EXOC6B: variants seen among roughly 807,000 people sequenced by gnomAD.
EXOC6B encodes the protein exocyst complex component 6B.
In EXOC6B, 54 loss-of-function variants were observed where a neutral mutation model predicts 113.5. That is an observed-to-expected ratio of 0.48 (90% confidence interval 0.38 to 0.60). The LOEUF is 0.60. Among genes scored for constraint, EXOC6B ranks in the 20% least tolerant of loss-of-function variants. The pLI is 0.00. For missense variants in EXOC6B, 797 were observed against 977.5 expected, an observed-to-expected ratio of 0.82 and a Z score of 2.46; for synonymous variants, 357 against 339.0, an observed-to-expected ratio of 1.05 and a Z score of -0.58.
chr2:72,255,919 T>C (rs1387980835), intron 20 of EXOC6B, among the ~76,000 whole-genome samples: 5 of 152,188 alleles, frequency 3.3e-5, no homozygotes, highest in South Asian at 2.1e-4. Flanking sequence ...TGGATGGTGA[T>C]ACCAAAAAAG....
Position 72,594,222 on chromosome 2 carries a change from A to G in EXOC6B, c.670-18554T>C, listed in dbSNP as rs560366106. 3.3e-5 allele frequency among the ~76,000 whole-genome samples: 5 copies of G among 152,226 alleles called. No individual in the cohort carries two copies. In the East Asian group the frequency reaches 5.8e-4, roughly 18 times the overall value. ...GCTCTCAAACTCTTAGCCTCAAGCA[A>G]TCTTCCCACCCTGGCTTCCCAAAAT... On this transcript the variant is annotated intron_variant, in intron 6 of 21. Transcript: ENST00000272427.
chr2:72,437,220 A>G (rs1305215473), intron 18 of EXOC6B, among the ~76,000 whole-genome samples: 8 of 152,336 alleles, frequency 5.3e-5, no homozygotes, highest in African/African-American at 1.9e-4. Context: ...GGGTATCACC[A>G]GCAGAGGCTG....
At chr2:72,715,534 C>T (rs1167332755) in intron 6 of EXOC6B, among the ~76,000 whole-genome samples, 3 of 151,136 alleles carry the variant, frequency 2.0e-5, no homozygotes. Context: ...GCTAGGAGCT[C>T]AAGAGAACAA....
chr2:72,187,786 AG>A (rs1283544682), intron 20 of EXOC6B, among the ~76,000 whole-genome samples: 2 of 152,116 alleles, frequency 1.3e-5, no homozygotes, highest in Non-Finnish European at 2.9e-5. Context: ...ACAAGCCTTC[AG>A]GCCTTCTGTG....
chr2:72,635,446 A>G (rs1039466218), intron 6 of EXOC6B, among the ~76,000 whole-genome samples: 10 of 152,204 alleles, frequency 6.6e-5, no homozygotes, highest in Admixed American at 1.3e-4. Flanking sequence ...ACACATATAA[A>G]TTTGACAAAG....
chr2:72,532,854 A>T (rs967358348), intron 8 of EXOC6B, among the ~76,000 whole-genome samples: 2 of 151,980 alleles, frequency 1.3e-5, no homozygotes, highest in African/African-American at 2.4e-5. Flanking sequence ...AATGCTTTTG[A>T]CTCTGGCATC....
chr2:72,511,181 T>C (rs1178282974), intron 11 of EXOC6B, among the ~76,000 whole-genome samples: 1 of 152,102 alleles, frequency 6.6e-6, no homozygotes, highest in Admixed American at 6.5e-5. Flanking sequence ...TTGCAACATA[T>C]TCAATAATGA....
rs78478031 is a variant in EXOC6B at position 72,340,351 on chromosome 2, T to C, written c.2123-5331A>G. Among the ~76,000 whole-genome samples, 9 of 152,214 alleles carry C rather than the reference T, an allele frequency of 5.9e-5. No individual in the cohort carries two copies. In the East Asian group the frequency reaches 1.7e-3, roughly 29 times the overall value. Reference sequence around the variant, plus strand: ...TTTTCTAAATCTTTGCAAAATGCCATAGAACAGGAAGAGCTTTCAAAGGAA... The same window carrying C: ...TTTTCTAAATCTTTGCAAAATGCCACAGAACAGGAAGAGCTTTCAAAGGAA... On this transcript the variant is annotated intron_variant, in intron 19 of 21. Coordinates refer to ENST00000272427, the MANE Select transcript of EXOC6B (RefSeq NM_015189.3).
At chr2:72,508,163 C>CAAAAAAAAAAAAAAAAA (rs67586747) in intron 11 of EXOC6B, among the ~76,000 whole-genome samples, 1 of 57,550 alleles carries the variant, frequency 1.7e-5, no homozygotes, top group African/African-American at 1.3e-4. Flanking sequence ...ATATTACCCG[C>CAAAAAAAAAAAAAAAAA]AAAAAAAAAA....
chr2:72,254,844 C>G (rs538245038), intron 20 of EXOC6B, among the ~76,000 whole-genome samples: 23 of 152,232 alleles, frequency 1.5e-4, no homozygotes, highest in African/African-American at 5.1e-4. Flanking sequence ...GTATATCAAG[C>G]TGAGATTTCC....
intron 6 of EXOC6B, among the ~76,000 whole-genome samples, chr2:72,617,996 GT>G (rs1157851647): frequency 6.6e-6 from 1 of 152,122 alleles, no homozygotes; most frequent in Non-Finnish European, 1.5e-5. Context: ...TGTTCAGTAA[GT>G]TCATCTTGAC....
intron 6 of EXOC6B, among the ~76,000 whole-genome samples, chr2:72,594,743 A>T (rs887376095): frequency 6.6e-6 from 1 of 152,198 alleles, no homozygotes; most frequent in Admixed American, 6.5e-5. Flanking sequence ...AAATATTTGC[A>T]ACAAAACCTG....
At chr2:72,405,434 G>A (rs1693671461) in intron 18 of EXOC6B, among the ~76,000 whole-genome samples, 1 of 152,194 alleles carries the variant, frequency 6.6e-6, no homozygotes, top group South Asian at 2.1e-4. Flanking sequence ...AGGACAAAAT[G>A]TTAAGGGCAG....
chr2:72,545,614 A>G (rs1483758813), intron 8 of EXOC6B, among the ~76,000 whole-genome samples: 2 of 152,178 alleles, frequency 1.3e-5, no homozygotes, highest in Non-Finnish European at 2.9e-5. Context: ...TGTTTTCCCC[A>G]TATTTACCAC....
chr2:72,444,679 G>A (rs1192187725), intron 18 of EXOC6B, among the ~76,000 whole-genome samples: 1 of 152,188 alleles, frequency 6.6e-6, no homozygotes, highest in Admixed American at 6.5e-5. Context: ...CAAGACATGG[G>A]GCTTGCACCC....
At chr2:72,501,721 C>G (rs201029797) in intron 11 of EXOC6B, among the ~76,000 whole-genome samples, 21 of 146,930 alleles carry the variant, frequency 1.4e-4, no homozygotes, top group Admixed American at 2.0e-4. Flanking sequence ...AAAAAAACAA[C>G]AACAACCAAA....
chr2:72,574,599 C>CA (rs1315729030), intron 7 of EXOC6B, among the ~76,000 whole-genome samples: 9 of 151,470 alleles, frequency 5.9e-5, no homozygotes, highest in East Asian at 5.8e-4. Flanking sequence ...CAAGCACTTA[C>CA]AAAAAAAAGG....
At position 72,620,588 on chromosome 2, in the gene EXOC6B, C is replaced by T. The variant is rs1385293292; in HGVS notation, c.670-44920G>A. On this transcript the variant is annotated intron_variant, in intron 6 of 21. Coordinates refer to ENST00000272427, the MANE Select transcript of EXOC6B (RefSeq NM_015189.3). ...CCTAGTTAATACCTTGCTCAATATC[C>T]GCCTTGGCAAAGAATTTTTGGCAAA... Among the ~76,000 whole-genome samples the T allele has an allele frequency of 3.4e-5, 5 of 149,148 alleles. No homozygotes were observed. The East Asian group carries it at 9.8e-4, about 29-fold the overall frequency.
intron 1 of EXOC6B, among the ~76,000 whole-genome samples, chr2:72,774,274 T>A (rs1338047585): frequency 6.6e-6 from 1 of 152,212 alleles, no homozygotes; most frequent in African/African-American, 2.4e-5. Flanking sequence ...AAATTCTGCA[T>A]ATGTAGTCCA....
Sources: gnomAD v4.1 joint callset for allele counts (sites outside exome capture counted in the v4.1 genomes callset) on GRCh38, gnomAD v4.1.1 for gene constraint, MANE v1.5 for transcripts, NCBI Gene and HGNC (gene_info 2026-07-23, HGNC 2026-07-21) for gene names.